Variants in PPARGC1A observed in about 807,000 individuals in gnomAD.
PPARGC1A encodes peroxisome proliferator-activated receptor gamma coactivator 1-alpha.
A neutral mutation model predicts 88.7 loss-of-function variants in PPARGC1A; 25 were observed. The observed-to-expected ratio is 0.28, with a 90% CI of 0.21 to 0.39. The LOEUF (loss-of-function observed/expected upper bound fraction) is 0.39, where lower values mean the gene tolerates loss of function less well. Among genes scored for constraint, PPARGC1A ranks in the 10% least tolerant of loss-of-function variants. PPARGC1A has a pLI of 1.00. For synonymous variants in PPARGC1A, 363 were observed against 355.6 expected (o/e 1.02, Z -0.24); for missense variants, 880 against 968.7 (o/e 0.91, Z 1.22).
chr4:24,412,019 G>C, the PPARGC1A span, among the ~76,000 whole-genome samples: 8 of 152,168 alleles, frequency 5.3e-5, no homozygotes, highest in African/African-American at 1.9e-4. Flanking sequence ...ATCTCCGTTT[G>C]GGTAAATATC....
At chr4:24,234,137 A>T in the PPARGC1A span, among the ~76,000 whole-genome samples, 1 of 152,178 alleles carries the variant, frequency 6.6e-6, no homozygotes, top group East Asian at 1.9e-4. Context: ...GGCCTACTGA[A>T]ATGAAAGCAC....
chr4:23,848,512 G>A (rs761552824), intron 2 of PPARGC1A, among the ~76,000 whole-genome samples: 1 of 152,124 alleles, frequency 6.6e-6, no homozygotes, highest in Non-Finnish European at 1.5e-5. Flanking sequence ...CTTCAGGGGT[G>A]AAAGATCTGA....
the PPARGC1A span, among the ~76,000 whole-genome samples, chr4:24,036,699 T>C: frequency 5.3e-5 from 8 of 151,966 alleles, no homozygotes; most frequent in African/African-American, 1.4e-4. Context: ...TTGATAATGA[T>C]AGAATTAACC....
At chr4:24,151,552 C>T in the PPARGC1A span, among the ~76,000 whole-genome samples, 1 of 152,178 alleles carries the variant, frequency 6.6e-6, no homozygotes, top group Non-Finnish European at 1.5e-5. Context: ...TCTATAGTAC[C>T]TAGCTATTAC....
At chr4:23,805,051 AAACAT>A (rs1719534497) in intron 10 of PPARGC1A, among the ~76,000 whole-genome samples, 1 of 152,212 alleles carries the variant, frequency 6.6e-6, no homozygotes, top group Non-Finnish European at 1.5e-5. Flanking sequence ...CAAAGCATCA[AAACAT>A]AACAGACTAT....
chr4:24,219,341 T>A, the PPARGC1A span, among the ~76,000 whole-genome samples: 1 of 152,226 alleles, frequency 6.6e-6, no homozygotes, highest in African/African-American at 2.4e-5. Context: ...TGAGAGCAGC[T>A]GTCAGATCAA....
chr4:23,890,174 A>G (rs1406652582), upstream of PPARGC1A: 2 of 1,000,440 alleles, frequency 2.0e-6, no homozygotes, highest in Middle Eastern at 2.4e-4. Flanking sequence ...CTAACTCGTG[A>G]CGTCACTCAA....
chr4:24,299,203 C>T, the PPARGC1A span, among the ~76,000 whole-genome samples: 1 of 152,110 alleles, frequency 6.6e-6, no homozygotes, highest in Non-Finnish European at 1.5e-5. Context: ...TCTCTAAGGA[C>T]CTGATTTTAA....
the PPARGC1A span, among the ~76,000 whole-genome samples, chr4:24,048,981 T>C: frequency 6.6e-6 from 1 of 152,040 alleles, no homozygotes; most frequent in Non-Finnish European, 1.5e-5. Flanking sequence ...TGTCTTTACA[T>C]AGGGAACTCT....
the PPARGC1A span, among the ~76,000 whole-genome samples, chr4:24,137,449 G>A: frequency 2.0e-5 from 3 of 152,136 alleles, no homozygotes; most frequent in Non-Finnish European, 4.4e-5. Context: ...AATCAGATAC[G>A]ATAGATACTC....
the PPARGC1A span, among the ~76,000 whole-genome samples, chr4:23,958,628 T>C: frequency 2.6e-5 from 4 of 152,144 alleles, no homozygotes; most frequent in East Asian, 5.8e-4. Flanking sequence ...CATCAATACA[T>C]ACCTATGTTT....
At chr4:23,796,334 A>G (rs1369371494) in intron 12 of PPARGC1A, among the ~76,000 whole-genome samples, 2 of 152,124 alleles carry the variant, frequency 1.3e-5, no homozygotes, top group African/African-American at 4.8e-5. Context: ...CCAGTAGAGT[A>G]TGAGAGAAAG....
At chr4:23,926,743 G>A in the PPARGC1A span, among the ~76,000 whole-genome samples, 1 of 152,122 alleles carries the variant, frequency 6.6e-6, no homozygotes, top group African/African-American at 2.4e-5. Context: ...AGTTCTTCCA[G>A]GGAGTCTCAC....
At chr4:24,272,351 AC>A in the PPARGC1A span, among the ~76,000 whole-genome samples, 54 of 152,024 alleles carry the variant, frequency 3.6e-4, no homozygotes, top group East Asian at 9.5e-3. Context: ...TCCAGGATAC[AC>A]CCCGTGCTCT....
chr4:24,225,790 G>A, the PPARGC1A span, among the ~76,000 whole-genome samples: 12,681 of 152,024 alleles, frequency 0.083, 759 homozygotes, highest in African/African-American at 0.16. Flanking sequence ...TCACCCTTGG[G>A]AACATCATAA....
chr4:23,862,112 T>G (rs1731314000), intron 2 of PPARGC1A, among the ~76,000 whole-genome samples: 1 of 152,220 alleles, frequency 6.6e-6, no homozygotes, highest in African/African-American at 2.4e-5. Context: ...AGTACAAGCC[T>G]CTGCAAATGG....
chr4:24,095,021 A>T, the PPARGC1A span, among the ~76,000 whole-genome samples: 1 of 152,134 alleles, frequency 6.6e-6, no homozygotes, highest in Non-Finnish European at 1.5e-5. Context: ...TTCTTTTTTT[A>T]AAGTATTTTC....
At chr4:24,207,151 A>G in the PPARGC1A span, among the ~76,000 whole-genome samples, 2 of 152,138 alleles carry the variant, frequency 1.3e-5, no homozygotes, top group East Asian at 3.9e-4. Context: ...ATACCAGACA[A>G]GGCAAAATGG....
the PPARGC1A span, among the ~76,000 whole-genome samples, chr4:24,161,772 C>A: frequency 6.6e-5 from 10 of 152,224 alleles, no homozygotes; most frequent in East Asian, 1.9e-3. Flanking sequence ...TCACTGAGTG[C>A]TAGCCACTGC....
Sources: gnomAD v4.1 joint callset for allele counts (sites outside exome capture counted in the v4.1 genomes callset) on GRCh38, gnomAD v4.1.1 for gene constraint, MANE v1.5 for transcripts, NCBI Gene and HGNC (gene_info 2026-07-23, HGNC 2026-07-21) for gene names.